SPANXN3: variants seen among roughly 807,000 people sequenced by gnomAD.
The protein encoded by SPANXN3 is sperm protein associated with the nucleus on the X chromosome N3.
A neutral mutation model predicts 1.9 loss-of-function variants in SPANXN3; 1 was observed. The observed-to-expected ratio is 0.54, with a 90% CI of 0.19 to 2.54. SPANXN3 has a LOEUF of 2.54. Among genes scored for constraint, SPANXN3 ranks in the 30% most tolerant of loss-of-function variants. The pLI, the probability that SPANXN3 is intolerant of heterozygous loss-of-function variation, is 0.24. For missense variants in SPANXN3, 113 were observed against 96.2 expected (o/e 1.17, Z -0.73); for synonymous variants, 47 against 40.0 (o/e 1.17, Z -0.66).
intron 1 of SPANXN3, among the ~76,000 whole-genome samples, chrX:143,515,744 C>T (rs1929200686): frequency 9.0e-6 from 1 of 111,129 alleles, no homozygotes; most frequent in South Asian, 3.8e-4. Flanking sequence ...CCCTTCCTGT[C>T]AACCTGGCCA....
chrX:143,515,764 G>A (rs1447746566), intron 1 of SPANXN3, among the ~76,000 whole-genome samples: 16 of 110,746 alleles, frequency 1.4e-4, no homozygotes, highest in African/African-American at 5.3e-4. Context: ...ACATGAACTC[G>A]GTCCAAAATA....
intron 1 of SPANXN3, among the ~76,000 whole-genome samples, chrX:143,513,268 A>G (rs1204567835): frequency 1.8e-5 from 2 of 111,941 alleles, no homozygotes; most frequent in Non-Finnish European, 3.8e-5. Flanking sequence ...TGGCCCTGGC[A>G]CAGGGACTGC....
chrX:143,512,392 C>T (rs782057832), intron 1 of SPANXN3, among the ~76,000 whole-genome samples: 20 of 111,611 alleles, frequency 1.8e-4, no homozygotes, highest in Non-Finnish European at 3.0e-4. Flanking sequence ...TTAATCCAGC[C>T]GTGCTTAGGG....
At chrX:143,514,180 G>T in intron 1 of SPANXN3, among the ~76,000 whole-genome samples, 1 of 111,868 alleles carries the variant, frequency 8.9e-6, no homozygotes, top group Non-Finnish European at 1.9e-5. Flanking sequence ...TGGCAGCCTG[G>T]CAGGCAGCCC....
Position 143,517,354 on chromosome X carries a change from G to A in SPANXN3, c.38C>T (p.Thr13Met), listed in dbSNP as rs201331560. The A allele has an allele frequency of 1.6e-5, 19 of 1,207,591 alleles. No individual in the cohort carries two copies. Among genetic ancestry groups the A allele is most frequent in the Middle Eastern group, 2.3e-4 (1 of 4,367 alleles). Residue 13 changes from threonine (T) to methionine (M), a missense_variant, in exon 1 of 2, where the codon ACG becomes ATG. Physicochemically the swap from Thr to Met is moderately conservative, Grantham distance 81. Coordinates refer to ENST00000370503, the MANE Select transcript of SPANXN3 (RefSeq NM_001009609.4). ...GTTATTGGATTCACAGGGGCTCTTC[G>A]TCTTCTCCCCATTGGTGCTGGAAGT... ...QPTSSTNGEK[T>M]KSPCESNNKK... is the part of the protein sequence containing the mutation.
intron 1 of SPANXN3, among the ~76,000 whole-genome samples, chrX:143,515,254 A>G (rs1264599224): frequency 1.4e-4 from 15 of 110,783 alleles, no homozygotes; most frequent in Non-Finnish European, 2.5e-4. Flanking sequence ...CACACTGAAT[A>G]CACCATTCCA....
At position 143,517,412 on chromosome X, in the gene SPANXN3, T is replaced by C. The variant is rs1929246861; in HGVS notation, c.-21A>G. The C allele has an allele frequency of 1.0e-5, 12 of 1,205,575 alleles. No individual in the cohort carries two copies. Among genetic ancestry groups the C allele is most frequent in the Non-Finnish European group, 1.3e-5 (12 of 889,884 alleles). ...TCCATGATTCTGGTTGGTTGTAGAA[T>C]GTCTATAGTAGGCTCCTGTAGACTG... On this transcript the variant is annotated 5_prime_UTR_variant, in exon 1 of 2. Coordinates refer to ENST00000370503, the MANE Select transcript of SPANXN3 (RefSeq NM_001009609.4).
At position 143,509,134 on chromosome X, in the gene SPANXN3, G is replaced by C; in HGVS notation, c.107C>G (p.Ala36Gly). The C allele has an allele frequency of 8.3e-7, 1 of 1,209,622 alleles. No homozygotes were observed. Among genetic ancestry groups the C allele is most frequent in the Non-Finnish European group, 1.1e-6 (1 of 894,405 alleles). Residue 36 changes from alanine (A) to glycine (G), a missense_variant, in exon 2 of 2, where the codon GCC becomes GGC. Coordinates refer to ENST00000370503, the MANE Select transcript of SPANXN3 (RefSeq NM_001009609.4). ...TGTGTTCTTCAAACTCTGTTCGGGG[G>C]CTAAGACTCTGTTTGGTACCTCTTG... ...EMQEVPNRVL[A>G]PEQSLKNTKT... is the part of the protein sequence containing the mutation.
At chrX:143,509,216 A>G (rs782133963) in intron 1 of SPANXN3, 54 bp from the exon 2 acceptor site, 33 of 1,022,030 alleles carry the variant, frequency 3.2e-5, no homozygotes, top group Middle Eastern at 6.6e-4. Context: ...TGAATAGGAT[A>G]GAGACTAGAT....
chrX:143,516,685 A>G (rs1222902422), intron 1 of SPANXN3: 1 of 112,779 alleles, frequency 8.9e-6, no homozygotes, highest in Non-Finnish European at 1.9e-5. Context: ...ACACATTGAT[A>G]CCATCCTTCT....
At position 143,517,199 on chromosome X, in the gene SPANXN3, C is replaced by T. The variant is rs1314438816; in HGVS notation, c.78+115G>A. The T allele has an allele frequency of 4.8e-5, 43 of 895,608 alleles. No individual in the cohort carries two copies. The African/African-American group carries it at 5.0e-4, about 10-fold the overall frequency. 73.8% of individuals were successfully genotyped at this position (895,608 alleles called of 1,213,427 possible). The stretch of plus-strand genomic sequence containing the variant: ...AGCAGCGGTGGGCTCTGGCATTAAG[C>T]GGGTCCCCCACTTCCACAGGTGTCT... On this transcript the variant is annotated intron_variant, in intron 1 of 1. Coordinates refer to ENST00000370503, the MANE Select transcript of SPANXN3 (RefSeq NM_001009609.4).
chrX:143,512,051 C>T (rs1197146584), intron 1 of SPANXN3, among the ~76,000 whole-genome samples: 1 of 111,265 alleles, frequency 9.0e-6, no homozygotes, highest in African/African-American at 3.3e-5. Context: ...TAGGCACAGA[C>T]TCGTCCTTTA....
At chrX:143,516,338 C>T (rs1403499066) in intron 1 of SPANXN3, among the ~76,000 whole-genome samples, 2 of 112,451 alleles carry the variant, frequency 1.8e-5, no homozygotes, top group Non-Finnish European at 3.7e-5. Flanking sequence ...GTGCCACAAA[C>T]TCTTATCTCT....
chrX:143,517,440 G>C lies in SPANXN3; in HGVS notation c.-49C>G. 1.7e-6 allele frequency: 2 copies of C among 1,160,178 alleles called. No homozygotes were observed. Among genetic ancestry groups the C allele is most frequent in the Non-Finnish European group, 2.4e-6 (2 of 850,129 alleles). ...CTATAGTAGGCTCCTGTAGACTGCAGACTTCCACAGCTATGTTGAAGCTTC... is the reference window on the plus strand; with the variant it reads ...CTATAGTAGGCTCCTGTAGACTGCACACTTCCACAGCTATGTTGAAGCTTC... On this transcript the variant is annotated 5_prime_UTR_variant, in exon 1 of 2. Coordinates refer to ENST00000370503, the MANE Select transcript of SPANXN3 (RefSeq NM_001009609.4).
intron 1 of SPANXN3, among the ~76,000 whole-genome samples, chrX:143,513,437 C>A (rs73235683): frequency 0.22 from 24,717 of 110,973 alleles, 2,573 homozygotes; most frequent in Non-Finnish European, 0.32. Flanking sequence ...GTCACTCTGA[C>A]TAAAAATCTT....
intron 1 of SPANXN3, among the ~76,000 whole-genome samples, chrX:143,513,388 A>G (rs781816557): frequency 8.9e-6 from 1 of 112,150 alleles, no homozygotes; most frequent in South Asian, 3.7e-4. Flanking sequence ...CACTTCTCTC[A>G]AAACAACTGG....
intron 1 of SPANXN3, among the ~76,000 whole-genome samples, chrX:143,513,861 C>T (rs1556412093): frequency 1.8e-5 from 2 of 112,198 alleles, no homozygotes; most frequent in Admixed American, 9.4e-5. Flanking sequence ...GAATCCAATG[C>T]TCTGCCACCC....
intron 1 of SPANXN3, 139 bp from the exon 2 acceptor site, chrX:143,509,301 T>C (rs1556411361): frequency 7.8e-6 from 4 of 512,670 alleles, no homozygotes; most frequent in East Asian, 3.4e-5. Flanking sequence ...GGTGAAATCA[T>C]AGGGTAGGTA....
At chrX:143,513,045 A>G (rs1929130507) in intron 1 of SPANXN3, among the ~76,000 whole-genome samples, 1 of 111,140 alleles carries the variant, frequency 9.0e-6, no homozygotes, top group African/African-American at 3.3e-5. Context: ...TCCCAACCCA[A>G]TGAAAGGAGC....
Sources: allele counts gnomAD v4.1 joint callset (sites outside exome capture counted in the v4.1 genomes callset), GRCh38; gene constraint gnomAD v4.1.1; transcripts MANE v1.5; gene names NCBI Gene and HGNC (gene_info 2026-07-23, HGNC 2026-07-21).